The following KHSRP variants were observed in gnomAD, a reference collection of about 807,000 sequenced individuals.
KHSRP encodes the protein far upstream element-binding protein 2.
A neutral mutation model predicts 94.9 loss-of-function variants in KHSRP; 13 were observed. The ratio of observed to expected loss-of-function variants is 0.14; its 90% CI spans 0.09 to 0.22. The LOEUF (loss-of-function observed/expected upper bound fraction) is 0.22. Among genes scored for constraint, KHSRP ranks in the 10% least tolerant of loss-of-function variants. KHSRP has a pLI of 1.00. For missense variants in KHSRP, 710 were observed against 1,010.0 expected (o/e 0.70, Z 4.03); for synonymous variants, 495 against 401.4 (o/e 1.23, Z -2.79).
Position 6,413,316 on chromosome 19 carries a change from AGGG to A in KHSRP, c.*1705_*1707del, listed in dbSNP as rs959301205. The A allele has an allele frequency of 1.1e-5, 3 of 278,584 alleles. No homozygotes were observed. Among genetic ancestry groups the A allele is most frequent in the Non-Finnish European group, 2.2e-5 (3 of 137,300 alleles). The allele number at this position is 278,584 out of a possible 1,614,324, so 17.3% of individuals were successfully genotyped here. On this transcript the variant is annotated 3_prime_UTR_variant, in exon 19 of 19. Coordinates refer to ENST00000600480, the MANE Select transcript of KHSRP (RefSeq NM_001366299.1). ...TTCAAAACTACAGGGAGGGAAGGAAAGGGGGGGAGACAGACAGCACCCGCAGAC... is the reference window on the plus strand; with the variant it reads ...TTCAAAACTACAGGGAGGGAAGGAAAGGGGAGACAGACAGCACCCGCAGAC...
rs1209739329 is a variant in KHSRP, at chr19:6,421,883, T to C, written c.347-195A>G. Reference sequence around the variant, plus strand: ...CCAATTCCGCCACCAACGCTCAGAGTAAAAAAGCCTTCAGAACACGCAACC... The same window carrying C: ...CCAATTCCGCCACCAACGCTCAGAGCAAAAAAGCCTTCAGAACACGCAACC... On this transcript the variant is annotated intron_variant, in intron 2 of 18. Transcript: ENST00000600480. Among the ~76,000 whole-genome samples the C allele has an allele frequency of 7.3e-5, 11 of 151,574 alleles. No homozygotes were observed. In the East Asian group the frequency reaches 1.9e-3, roughly 27 times the overall value.
rs750020750 is a variant in KHSRP at position 6,414,187 on chromosome 19, A to G, written c.*837T>C. ...GGAAGGGTGGGAGACTAGGGGGCGG[A>G]AGAGAGGAGGGGCTGGAACACCGTG... On this transcript the variant is annotated 3_prime_UTR_variant, in exon 19 of 19. Coordinates refer to ENST00000600480, the MANE Select transcript of KHSRP (RefSeq NM_001366299.1). 4.4e-6 allele frequency: 7 copies of G among 1,579,186 alleles called. No homozygotes were observed. In the Admixed American group the frequency reaches 5.7e-5, roughly 13 times the overall value.
At chr19:6,422,879 T>A (rs2092203481) in intron 1 of KHSRP, among the ~76,000 whole-genome samples, 1 of 152,148 alleles carries the variant, frequency 6.6e-6, no homozygotes, top group African/African-American at 2.4e-5. Flanking sequence ...GAGTTCAATT[T>A]TCCCCTATCT....
chr19:6,414,318 G>A lies in KHSRP; in HGVS notation c.*706C>T. The A allele has an allele frequency of 1.4e-6, 2 of 1,396,794 alleles. No homozygotes were observed. The highest frequency in any genetic ancestry group is 1.5e-5 in the African/African-American group (1 of 68,682). 86.5% of individuals were successfully genotyped at this position (1,396,794 alleles called of 1,614,324 possible). On this transcript the variant is annotated 3_prime_UTR_variant, in exon 19 of 19. Coordinates refer to ENST00000600480, the MANE Select transcript of KHSRP (RefSeq NM_001366299.1). ...TCGCGGGACTCGCTGAAGTCACGCTGCTCCCTGATGGAGAAGGAGGGACAG... is the reference window on the plus strand; with the variant it reads ...TCGCGGGACTCGCTGAAGTCACGCTACTCCCTGATGGAGAAGGAGGGACAG...
intron 1 of KHSRP, 80 bp downstream of exon 1, chr19:6,424,373 C>T: frequency 1.4e-6 from 1 of 727,428 alleles, no homozygotes; most frequent in Non-Finnish European, 1.7e-6. Flanking sequence ...ACCCTGCGCG[C>T]GCGCGCGCAC....
intron 6 of KHSRP, 138 bp downstream of exon 6, chr19:6,419,935 G>A (rs143141802): frequency 4.4e-6 from 3 of 686,198 alleles, no homozygotes; most frequent in Non-Finnish European, 5.1e-6. Context: ...ATACTGCACT[G>A]AGCCTGGTCC....
chr19:6,423,003 G>A (rs1414738351), intron 1 of KHSRP, among the ~76,000 whole-genome samples: 1 of 152,172 alleles, frequency 6.6e-6, no homozygotes, highest in South Asian at 2.1e-4. Flanking sequence ...TGGATGGCTG[G>A]GCACTGTGAC....
At chr19:6,420,235 T>G in intron 5 of KHSRP, 91 bp from the exon 6 acceptor site, 2 of 1,265,312 alleles carry the variant, frequency 1.6e-6, no homozygotes, top group South Asian at 2.5e-5. Flanking sequence ...CCAGCCCCTC[T>G]GACGTTCAGG....
intron 11 of KHSRP, among the ~76,000 whole-genome samples, chr19:6,417,521 G>A (rs942492887): frequency 1.3e-5 from 2 of 152,192 alleles, no homozygotes; most frequent in African/African-American, 4.8e-5. Flanking sequence ...GAGGAGATCT[G>A]ATAGGGATAG....
In KHSRP at chr19:6,414,815, G is replaced by C. The variant is rs919337478; in HGVS notation, c.*209C>G. ...GCGGCCGGGCCGGTGCCCACCGTCCGCGCTGTCTGCCTGCCCCCCGACTCC... is the reference window on the plus strand; with the variant it reads ...GCGGCCGGGCCGGTGCCCACCGTCCCCGCTGTCTGCCTGCCCCCCGACTCC... On this transcript the variant is annotated 3_prime_UTR_variant, in exon 19 of 19. Coordinates refer to ENST00000600480, the MANE Select transcript of KHSRP (RefSeq NM_001366299.1). 1.6e-6 allele frequency: 2 copies of C among 1,212,240 alleles called. No individual in the cohort carries two copies. The allele number at this position is 1,212,240 out of a possible 1,614,324, so 75.1% of individuals were successfully genotyped here.
intron 11 of KHSRP, 91 bp from the exon 12 acceptor site, chr19:6,417,178 G>A (rs2092153893): frequency 4.1e-6 from 4 of 967,900 alleles, no homozygotes; most frequent in Non-Finnish European, 6.0e-6. Context: ...CAGACACCAC[G>A]CCGGCCTGAG....
chr19:6,421,160 G>C, intron 4 of KHSRP, 118 bp downstream of exon 4: 1 of 901,450 alleles, frequency 1.1e-6, no homozygotes. Context: ...CTGGTCAACT[G>C]GCACTGGGGG....
chr19:6,419,577 C>T (rs2092182391), intron 6 of KHSRP, among the ~76,000 whole-genome samples: 1 of 152,322 alleles, frequency 6.6e-6, no homozygotes, highest in East Asian at 1.9e-4. Context: ...ACACGTGCTA[C>T]ACGCCCAAGG....
rs141757137 is a variant in KHSRP at position 6,413,971 on chromosome 19, C to T, written c.*1053G>A. 3.7e-5 allele frequency: 42 copies of T among 1,138,516 alleles called. No individual in the cohort carries two copies. Among genetic ancestry groups the T allele is most frequent in the South Asian group, 9.0e-5 (5 of 55,696 alleles). 70.5% of individuals were successfully genotyped at this position (1,138,516 alleles called of 1,614,324 possible). A position where few individuals can be genotyped will look rare whatever the true frequency, so the allele number is the denominator to read the frequency against. ...GCCCGGCATGCCCCCAAGTCCCCCC[C>T]ACCCTGCTTGCCGCGAGGGCTCCCC... On this transcript the variant is annotated 3_prime_UTR_variant, in exon 19 of 19. Coordinates refer to ENST00000600480, the MANE Select transcript of KHSRP (RefSeq NM_001366299.1).
At position 6,415,662 on chromosome 19, in the gene KHSRP, G is replaced by A. The variant is rs1394446109; in HGVS notation, c.1760C>T (p.Pro587Leu). 1.9e-6 allele frequency: 3 copies of A among 1,542,978 alleles called. No individual in the cohort carries two copies. The highest frequency in any genetic ancestry group is 2.6e-6 in the Non-Finnish European group (3 of 1,145,260). The change falls in exon 17 of 19, where the codon CCC becomes CTC. Residue 587 changes from proline to leucine, a missense_variant. By Grantham distance (98) the Pro-to-Leu change is moderately conservative. This residue lies in a region of KHSRP where 292 missense variants were observed against 340.5 expected (regional missense o/e 0.86). Coordinates refer to ENST00000600480, the MANE Select transcript of KHSRP (RefSeq NM_001366299.1). Reference sequence around the variant, plus strand: ...TGCGGGGCCGGGGACGGGGCCCGGGGGCTGCTGGTAGTAGTGTGAGTAGTA... The same window carrying A: ...TGCGGGGCCGGGGACGGGGCCCGGGAGCTGCTGGTAGTAGTGTGAGTAGTA... The part of the protein sequence containing the change: ...AAYYSHYYQQ[P>L]PGPVPGPAPA...
In KHSRP at chr19:6,416,305, G is replaced by C; in HGVS notation, c.1591C>G (p.Pro531Ala). ...GAGGCAGAGGATACTCACTGTGGGG[G>C]AGCCCCGGGTGGCCCCTGGTTGAAG... Reference protein sequence around the residue: ...GPFNQGPPGAPPHAGGPPPHQ... With the variant: ...GPFNQGPPGAAPHAGGPPPHQ... The change falls in exon 15 of 19, where the codon CCC becomes GCC. Residue 531 changes from proline (P) to alanine (A), a missense_variant. By Grantham distance (27) the Pro-to-Ala change is conservative. Around this residue, in one of 5 missense-constraint regions of KHSRP, gnomAD observed 292 missense variants for 340.5 expected, o/e 0.86. Coordinates refer to ENST00000600480, the MANE Select transcript of KHSRP (RefSeq NM_001366299.1). The C allele has an allele frequency of 6.2e-7, 1 of 1,601,476 alleles. No individual in the cohort carries two copies. The highest frequency in any genetic ancestry group is 8.5e-7 in the Non-Finnish European group (1 of 1,176,336).
rs373321207 is a variant in KHSRP at position 6,418,804 on chromosome 19, G to A, written c.678C>T (p.Asn226=). The change falls in exon 8 of 19, where the codon AAC becomes AAT. Residue 226 remains asparagine, a synonymous_variant. Coordinates refer to ENST00000600480, the MANE Select transcript of KHSRP (RefSeq NM_001366299.1). This position sits in a 1 kb window ranked among gnomAD's most constrained non-coding sequence, Gnocchi z 4.3. ...CGGTGCCGTTCTGGCCCCCGTTGGC[G>A]TTGTCGTGGAACTGTCCTGGGGGGC... ...RGGPPGQFHD[N]ANGGQNGTVQ... 3.4e-5 allele frequency: 54 copies of A among 1,596,226 alleles called. No homozygotes were observed. The highest frequency in any genetic ancestry group is 6.7e-5 in the East Asian group (3 of 44,714).
chr19:6,414,803 TGCCCA>T lies in KHSRP; in HGVS notation c.*216_*220del, dbSNP rs2092130527. ...AGCGAGGTGGTGGCGGCCGGGCCGGTGCCCACCGTCCGCGCTGTCTGCCTGCCCCC... is the reference window on the plus strand; with the variant it reads ...AGCGAGGTGGTGGCGGCCGGGCCGGTCCGTCCGCGCTGTCTGCCTGCCCCC... On this transcript the variant is annotated 3_prime_UTR_variant, in exon 19 of 19. Transcript: ENST00000600480. 1 of 1,170,152 alleles carries T rather than the reference TGCCCA, an allele frequency of 8.5e-7. No individual in the cohort carries two copies. The highest frequency in any genetic ancestry group is 4.3e-5 in the Admixed American group (1 of 23,214). The allele number at this position is 1,170,152 out of a possible 1,614,324, so 72.5% of individuals were successfully genotyped here. A position where few individuals can be genotyped will look rare whatever the true frequency, so the allele number is the denominator to read the frequency against.
chr19:6,424,779 A>C lies in KHSRP; in HGVS notation c.-78T>G, dbSNP rs945667675. The C allele has an allele frequency of 1.9e-6, 1 of 520,642 alleles. No homozygotes were observed. Among genetic ancestry groups the C allele is most frequent in the Non-Finnish European group, 2.5e-6 (1 of 400,796 alleles). 32.3% of individuals were successfully genotyped at this position (520,642 alleles called of 1,614,324 possible). ...GGCGGCGGCGGCTCAACGCGGGAACAAGGCCTCGCTCCACACGGCCGCGGA... is the reference window on the plus strand; with the variant it reads ...GGCGGCGGCGGCTCAACGCGGGAACCAGGCCTCGCTCCACACGGCCGCGGA... On this transcript the variant is annotated 5_prime_UTR_variant, in exon 1 of 19. Transcript: ENST00000600480.
Sources: gnomAD v4.1 joint callset for allele counts (sites outside exome capture counted in the v4.1 genomes callset) on GRCh38, gnomAD v4.1.1 for gene constraint, gnomAD v4.1.1 regional missense constraint, Gnocchi (gnomAD v3.1) non-coding constraint, MANE v1.5 for transcripts, NCBI Gene and HGNC (gene_info 2026-07-23, HGNC 2026-07-21) for gene names.